MARCHF1: variants seen among roughly 807,000 people sequenced by gnomAD.
MARCHF1 encodes membrane associated ring-CH-type finger 1, also known as E3 ubiquitin-protein ligase MARCHF1.
In MARCHF1, 40 loss-of-function variants were observed where a neutral mutation model predicts 54.2. The observed-to-expected ratio is 0.74, with a 90% CI of 0.57 to 0.96. The LOEUF (loss-of-function observed/expected upper bound fraction) is 0.96. Among genes scored for constraint, MARCHF1 ranks in the 40% least tolerant of loss-of-function variants. The probability of loss-of-function intolerance (pLI) is 0.00; values close to 1 mark genes in which losing one functional copy is unlikely to be tolerated. For synonymous variants in MARCHF1, 236 were observed against 236.3 expected (o/e 1.00, Z 0.01); for missense variants, 586 against 656.5 (o/e 0.89, Z 1.17).
At chr4:164,127,320 A>G (rs994931207) in intron 1 of MARCHF1, among the ~76,000 whole-genome samples, 1 of 152,194 alleles carries the variant, frequency 6.6e-6, no homozygotes, top group African/African-American at 2.4e-5. Flanking sequence ...AACAACTTAG[A>G]GTTTTTTATT....
rs138464393 is a variant in MARCHF1 at position 164,260,729 on chromosome 4, T to C, written c.-323+123141A>G. 1.7e-3 allele frequency among the ~76,000 whole-genome samples: 259 copies of C among 152,358 alleles called. 1 individual carries two copies. Among genetic ancestry groups the C allele is most frequent in the African/African-American group, 6.1e-3 (255 of 41,578 alleles). ...ATTAGACCTACAAAATCGAATTGTA[T>C]AACAGTATATGCAGTATGTGTAGGA... is the stretch of plus-strand genomic sequence containing the variant. On this transcript the variant is annotated intron_variant, in intron 1 of 9. Transcript: ENST00000514618.
chr4:164,325,715 G>A (rs116685964), intron 1 of MARCHF1, among the ~76,000 whole-genome samples: 2,487 of 151,774 alleles, frequency 0.016, 78 homozygotes, highest in African/African-American at 0.057. Context: ...TGACAAGAGC[G>A]AGACTCACTC....
intron 7 of MARCHF1, among the ~76,000 whole-genome samples, chr4:163,586,299 T>C (rs1740410906): frequency 6.6e-6 from 1 of 152,114 alleles, no homozygotes; most frequent in Admixed American, 6.6e-5. Context: ...GAAACATAAA[T>C]GAATTCTGTG....
intron 5 of MARCHF1, among the ~76,000 whole-genome samples, chr4:163,649,387 C>G (rs28434682): frequency 6.6e-6 from 1 of 151,894 alleles, no homozygotes; most frequent in African/African-American, 2.4e-5. Context: ...AGTTGTAAAT[C>G]GAAACACATT....
chr4:163,740,285 C>T (rs369645896), intron 4 of MARCHF1, among the ~76,000 whole-genome samples: 10 of 152,252 alleles, frequency 6.6e-5, no homozygotes, highest in African/African-American at 2.4e-4. Context: ...GTCCCAGTAC[C>T]GGTCCTAGCT....
intron 1 of MARCHF1, among the ~76,000 whole-genome samples, chr4:164,376,339 C>A (rs1330560870): frequency 6.6e-6 from 1 of 151,954 alleles, no homozygotes; most frequent in South Asian, 2.1e-4. Context: ...TTCTTTTTTT[C>A]TCTCATTGTA....
At chr4:163,906,253 G>GAAA (rs769176219) in intron 3 of MARCHF1, among the ~76,000 whole-genome samples, 5 of 151,924 alleles carry the variant, frequency 3.3e-5, no homozygotes, top group Non-Finnish European at 7.4e-5. Flanking sequence ...TGCTCACAGA[G>GAAA]AATTAAGCAT....
In MARCHF1 at chr4:164,078,295, G is replaced by T. The variant is rs369491790; in HGVS notation, c.-248+33293C>A. Among the ~76,000 whole-genome samples the T allele has an allele frequency of 5.3e-5, 8 of 152,094 alleles. No homozygotes were observed. In the East Asian group the frequency reaches 7.8e-4, roughly 15 times the overall value. ...ACACAAGAACAGAAAACCAAACACCGCATGTTCTCACTCATAAATGGGAGC... is the reference window on the plus strand; with the variant it reads ...ACACAAGAACAGAAAACCAAACACCTCATGTTCTCACTCATAAATGGGAGC... On this transcript the variant is annotated intron_variant, in intron 2 of 9. Coordinates refer to ENST00000514618, the MANE Select transcript of MARCHF1 (RefSeq NM_001394959.1).
chr4:164,026,267 G>T (rs185498547), intron 2 of MARCHF1, among the ~76,000 whole-genome samples: 1 of 151,936 alleles, frequency 6.6e-6, no homozygotes, highest in Non-Finnish European at 1.5e-5. Flanking sequence ...CCAAAATCTG[G>T]CAGAGACACA....
intron 1 of MARCHF1, among the ~76,000 whole-genome samples, chr4:164,276,332 T>A (rs1733879185): frequency 6.6e-6 from 1 of 152,176 alleles, no homozygotes; most frequent in Admixed American, 6.5e-5. Flanking sequence ...TTATTCTCCA[T>A]CTTAGAAACC....
At chr4:164,197,498 C>A in intron 1 of MARCHF1, 1 of 1,613,644 alleles carries the variant, frequency 6.2e-7, no homozygotes. Context: ...CCCCCTGAGA[C>A]TCTTAGTTCA....
intron 2 of MARCHF1, among the ~76,000 whole-genome samples, chr4:164,079,531 G>A (rs767670184): frequency 1.6e-4 from 24 of 151,860 alleles, no homozygotes; most frequent in Middle Eastern, 3.2e-3. Context: ...AATAGAGTTC[G>A]TATACAATTG....
At chr4:163,767,546 G>A (rs569636778) in intron 4 of MARCHF1, among the ~76,000 whole-genome samples, 95 of 152,182 alleles carry the variant, frequency 6.2e-4, no homozygotes, top group African/African-American at 2.2e-3. Context: ...GTGTTAGCCA[G>A]GATGGTCTCG....
intron 1 of MARCHF1, among the ~76,000 whole-genome samples, chr4:164,142,270 T>G (rs940235096): frequency 1.3e-5 from 2 of 152,186 alleles, no homozygotes; most frequent in Non-Finnish European, 1.5e-5. Flanking sequence ...TGCCCAGGCT[T>G]GCTTAGGTAA....
chr4:164,090,003 C>A (rs1045138000), intron 2 of MARCHF1, among the ~76,000 whole-genome samples: 1 of 151,238 alleles, frequency 6.6e-6, no homozygotes, highest in Admixed American at 6.6e-5. Flanking sequence ...AAAATAATGT[C>A]TTAGAATTCA....
intron 1 of MARCHF1, among the ~76,000 whole-genome samples, chr4:164,258,367 G>T (rs1733353789): frequency 7.2e-6 from 1 of 139,546 alleles, no homozygotes; most frequent in African/African-American, 2.9e-5. Flanking sequence ...TTCATATTCT[G>T]CACATATATC....
chr4:164,266,289 G>A, intron 1 of MARCHF1, among the ~76,000 whole-genome samples: 1 of 152,046 alleles, frequency 6.6e-6, no homozygotes, highest in African/African-American at 2.4e-5. Flanking sequence ...AGAAAACTTG[G>A]ACAATAGCAT....
chr4:164,010,317 TC>T lies in MARCHF1; in HGVS notation c.-247-21609del, dbSNP rs1753394304. On this transcript the variant is annotated intron_variant, in intron 2 of 9. Coordinates refer to ENST00000514618, the MANE Select transcript of MARCHF1 (RefSeq NM_001394959.1). ...TTTCACCATGTTAGCCAGGATGGTCTCAATCTCTTGACCTCGTGATCTGCCA... is the reference window on the plus strand; with the variant it reads ...TTTCACCATGTTAGCCAGGATGGTCTAATCTCTTGACCTCGTGATCTGCCA... Among the ~76,000 whole-genome samples, 13 of 151,852 alleles carry T rather than the reference TC, an allele frequency of 8.6e-5. No individual in the cohort carries two copies. In the South Asian group the frequency reaches 2.7e-3, roughly 31 times the overall value.
intron 1 of MARCHF1, among the ~76,000 whole-genome samples, chr4:164,139,913 A>T (rs1011190803): frequency 1.2e-4 from 19 of 152,130 alleles, no homozygotes; most frequent in African/African-American, 4.6e-4. Context: ...GACTCATTCA[A>T]ATTTCTGGGA....
Sources: gnomAD v4.1 joint callset for allele counts (sites outside exome capture counted in the v4.1 genomes callset) on GRCh38, gnomAD v4.1.1 for gene constraint, MANE v1.5 for transcripts, NCBI Gene and HGNC (gene_info 2026-07-23, HGNC 2026-07-21) for gene names.